The following SUGCT variants were observed in gnomAD, a reference collection of about 807,000 sequenced individuals.
The protein encoded by SUGCT is succinyl-CoA:glutarate-CoA transferase.
SUGCT carries 41 observed loss-of-function variants against 55.0 expected under a neutral mutation model. The ratio of observed to expected loss-of-function variants is 0.74; its 90% CI spans 0.58 to 0.97. The LOEUF (loss-of-function observed/expected upper bound fraction) is 0.97, where lower values mean the gene tolerates loss of function less well. SUGCT is among the 50% of genes least tolerant of loss of function. The pLI is 0.00. For missense variants in SUGCT, 568 were observed against 547.8 expected (o/e 1.04, Z -0.37); for synonymous variants, 187 against 200.4 (o/e 0.93, Z 0.56).
chr7:40,178,572 TTG>T (rs1785034606), intron 1 of SUGCT, among the ~76,000 whole-genome samples: 1 of 152,136 alleles, frequency 6.6e-6, no homozygotes, highest in Non-Finnish European at 1.5e-5. Flanking sequence ...CTCCAGTTTT[TTG>T]TCTTTCAGCA....
intron 12 of SUGCT, among the ~76,000 whole-genome samples, chr7:40,659,458 C>A (rs1021718938): frequency 6.6e-6 from 1 of 152,142 alleles, no homozygotes; most frequent in Non-Finnish European, 1.5e-5. Flanking sequence ...GGCTTCCTCC[C>A]AGAATATGTG....
At chr7:40,691,833 G>A (rs1784713553) in intron 12 of SUGCT, among the ~76,000 whole-genome samples, 1 of 152,090 alleles carries the variant, frequency 6.6e-6, no homozygotes, top group Admixed American at 6.6e-5. Flanking sequence ...ATGGAGTTTG[G>A]GGAAGGAGGA....
chr7:40,894,082 A>C, the SUGCT span, among the ~76,000 whole-genome samples: 4 of 151,774 alleles, frequency 2.6e-5, no homozygotes, highest in Non-Finnish European at 4.4e-5. Flanking sequence ...GCTATACTAC[A>C]AGGTTAAGTT....
At chr7:40,135,385 C>T (rs1158291770) in intron 1 of SUGCT, among the ~76,000 whole-genome samples, 1 of 152,232 alleles carries the variant, frequency 6.6e-6, no homozygotes, top group Non-Finnish European at 1.5e-5. Flanking sequence ...CCGCGGCTCG[C>T]GTTTGGGGCC....
At chr7:40,564,605 T>G (rs1194369337) in intron 12 of SUGCT, among the ~76,000 whole-genome samples, 1 of 152,240 alleles carries the variant, frequency 6.6e-6, no homozygotes. Flanking sequence ...CTACTGGAGA[T>G]ATGTCTGTCC....
chr7:40,390,417 G>C (rs2151299977), intron 9 of SUGCT, among the ~76,000 whole-genome samples: 1 of 152,292 alleles, frequency 6.6e-6, no homozygotes, highest in East Asian at 1.9e-4. Context: ...TCCTTAAGCT[G>C]ATAAGCAACT....
At chr7:40,675,378 T>C (rs1462238034) in intron 12 of SUGCT, among the ~76,000 whole-genome samples, 4 of 152,232 alleles carry the variant, frequency 2.6e-5, no homozygotes, top group Admixed American at 6.5e-5. Context: ...AATCTTCTAA[T>C]GTGTAATCAC....
chr7:40,601,625 G>A (rs1415879812), intron 12 of SUGCT, among the ~76,000 whole-genome samples: 1 of 152,116 alleles, frequency 6.6e-6, no homozygotes, highest in Non-Finnish European at 1.5e-5. Flanking sequence ...GCATGAGAAA[G>A]CCTAAGCCTC....
At chr7:40,861,137 A>G (rs1794477166), downstream of SUGCT, among the ~76,000 whole-genome samples, 1 of 152,208 alleles carries the variant, frequency 6.6e-6, no homozygotes, top group Non-Finnish European at 1.5e-5. Context: ...CAGAAAGTCA[A>G]TATTCCCAGT....
chr7:40,422,621 T>C (rs189224640), intron 9 of SUGCT, among the ~76,000 whole-genome samples: 72 of 152,330 alleles, frequency 4.7e-4, no homozygotes, highest in Non-Finnish European at 7.5e-4. Flanking sequence ...CTGTATACAA[T>C]GTAACCTTTG....
intron 12 of SUGCT, among the ~76,000 whole-genome samples, chr7:40,520,864 A>T (rs1793492843): frequency 6.6e-6 from 1 of 152,176 alleles, no homozygotes; most frequent in African/African-American, 2.4e-5. Flanking sequence ...CAAAGAATGG[A>T]GATATTTAAA....
chr7:40,987,297 G>T, the SUGCT span, among the ~76,000 whole-genome samples: 2 of 152,176 alleles, frequency 1.3e-5, no homozygotes. Flanking sequence ...AATCCAGGCT[G>T]GTGGGGTGGA....
chr7:40,142,155 G>A (rs115972945), intron 1 of SUGCT, among the ~76,000 whole-genome samples: 5,658 of 152,186 alleles, frequency 0.037, 340 homozygotes, highest in African/African-American at 0.13. Context: ...CAGGTAATCA[G>A]AATGAGTCAA....
chr7:40,276,817 GTGTC>G (rs1554300319), intron 8 of SUGCT, among the ~76,000 whole-genome samples: 9,928 of 150,524 alleles, frequency 0.066, 658 homozygotes, highest in African/African-American at 0.17. Context: ...GTGTGTGTGT[GTGTC>G]TGTCTGTCTG....
intron 1 of SUGCT, among the ~76,000 whole-genome samples, chr7:40,140,997 T>C (rs1295458288): frequency 1.3e-5 from 2 of 152,324 alleles, no homozygotes; most frequent in South Asian, 2.1e-4. Flanking sequence ...TTTTCCATTT[T>C]TTTGTTTCAT....
chr7:40,616,710 G>T (rs1306198354), intron 12 of SUGCT, among the ~76,000 whole-genome samples: 1 of 152,206 alleles, frequency 6.6e-6, no homozygotes, highest in African/African-American at 2.4e-5. Context: ...AAGGACTATT[G>T]TCCTTCACTC....
the SUGCT span, among the ~76,000 whole-genome samples, chr7:40,943,165 G>A: frequency 5.3e-5 from 8 of 151,326 alleles, no homozygotes; most frequent in African/African-American, 1.9e-4. Context: ...TATTTTTCTG[G>A]TTCCTTCTAA....
chr7:40,250,961 C>G (rs1035345604), intron 7 of SUGCT, among the ~76,000 whole-genome samples: 1 of 151,482 alleles, frequency 6.6e-6, no homozygotes, highest in Non-Finnish European at 1.5e-5. Flanking sequence ...CTCAGCCTCC[C>G]GAGTAGCTGG....
chr7:40,984,735 G>A, the SUGCT span, among the ~76,000 whole-genome samples: 1 of 152,160 alleles, frequency 6.6e-6, no homozygotes, highest in Admixed American at 6.5e-5. Context: ...TTTGGACAAT[G>A]TCGGTGGAAA....
Sources: allele counts gnomAD v4.1 joint callset (sites outside exome capture counted in the v4.1 genomes callset), GRCh38; gene constraint gnomAD v4.1.1; transcripts MANE v1.5; gene names NCBI Gene and HGNC (gene_info 2026-07-23, HGNC 2026-07-21).